Variants in HEXA observed in about 807,000 individuals in gnomAD.
HEXA encodes beta-hexosaminidase subunit alpha.
In HEXA, 54 loss-of-function variants were observed where a neutral mutation model predicts 73.3. The ratio of observed to expected loss-of-function variants is 0.74; its 90% CI spans 0.59 to 0.92. The LOEUF (loss-of-function observed/expected upper bound fraction) is 0.92. Among genes scored for constraint, HEXA ranks in the 40% least tolerant of loss-of-function variants. The probability of loss-of-function intolerance (pLI) is 0.00; values close to 1 mark genes in which losing one functional copy is unlikely to be tolerated. For synonymous variants in HEXA, 230 were observed against 246.9 expected (o/e 0.93, Z 0.64); for missense variants, 649 against 653.0 (o/e 0.99, Z 0.07).
chr15:72,366,351 C>T (rs973114563), intron 1 of HEXA, among the ~76,000 whole-genome samples: 1 of 151,766 alleles, frequency 6.6e-6, no homozygotes, highest in African/African-American at 2.4e-5. Flanking sequence ...CTCTGTTGCC[C>T]AGGCTGGGGT....
rs2088570165 is a variant in HEXA, at chr15:72,343,230, A to G, written c.*847T>C. 1 of 150,768 alleles carries G rather than the reference A, an allele frequency of 6.6e-6. No individual in the cohort carries two copies. Among genetic ancestry groups the G allele is most frequent in the Non-Finnish European group, 1.5e-5 (1 of 67,794 alleles). The allele number at this position is 150,768 out of a possible 1,614,324, so 9.3% of individuals were successfully genotyped here. On this transcript the variant is annotated 3_prime_UTR_variant, in exon 14 of 14. Coordinates refer to ENST00000268097, the MANE Select transcript of HEXA (RefSeq NM_000520.6). ...TGAGACTCCGTCTCAGAAAAAAAAAATATATATATATGAATTAGATGGACA... is the reference window on the plus strand; with the variant it reads ...TGAGACTCCGTCTCAGAAAAAAAAAGTATATATATATGAATTAGATGGACA...
At chr15:72,357,914 A>T (rs2088806643) in intron 1 of HEXA, 1 of 152,172 alleles carries the variant, frequency 6.6e-6, no homozygotes, top group Non-Finnish European at 1.5e-5. Context: ...CCCCACACCA[A>T]TACCTGCCTA....
At chr15:72,347,992 G>A in intron 9 of HEXA, 56 bp downstream of exon 9, 1 of 1,242,242 alleles carries the variant, frequency 8.0e-7, no homozygotes, top group Non-Finnish European at 1.2e-6. Flanking sequence ...TATGGAAAGG[G>A]AGGACCCCAC....
chr15:72,373,140 A>AAAAC (rs1008194242), intron 1 of HEXA, among the ~76,000 whole-genome samples: 2 of 152,224 alleles, frequency 1.3e-5, no homozygotes, highest in East Asian at 1.9e-4. Flanking sequence ...CAAAAAAACA[A>AAAAC]AAACAAACAA....
Position 72,375,832 on chromosome 15 carries a change from CT to C in HEXA, c.140del (p.Gln47ArgfsTer53), listed in dbSNP as rs773982691. On this transcript the variant is annotated frameshift_variant, in exon 1 of 14. Coordinates refer to ENST00000268097, the MANE Select transcript of HEXA (RefSeq NM_000520.6). LOFTEE classifies it high-confidence loss of function. Reference sequence around the variant, plus strand: ...GCTGCGCGGCCGAGCTGACATCGTACTGGAATTGAAAGTTGTTCGGGTAAAG... The same window carrying C: ...GCTGCGCGGCCGAGCTGACATCGTACGGAATTGAAAGTTGTTCGGGTAAAG... ...YVLYPNNFQF[Q>X]YDVSSAAQPG... The C allele has an allele frequency of 1.2e-6, 2 of 1,614,134 alleles. No individual in the cohort carries two copies. The highest frequency in any genetic ancestry group is 2.7e-5 in the African/African-American group (2 of 74,952).
At chr15:72,371,353 T>C (rs1435601410) in intron 1 of HEXA, among the ~76,000 whole-genome samples, 1 of 152,096 alleles carries the variant, frequency 6.6e-6, no homozygotes, top group Non-Finnish European at 1.5e-5. Flanking sequence ...AGACCTGTAA[T>C]CCCAACACTT....
intron 7 of HEXA, 124 bp downstream of exon 7, chr15:72,350,394 A>G (rs1279984852): frequency 3.9e-6 from 4 of 1,014,642 alleles, no homozygotes; most frequent in African/African-American, 1.6e-5. Flanking sequence ...AGGTGGAAGA[A>G]GTCGATGGAA....
chr15:72,364,624 G>A (rs971442718), intron 1 of HEXA, among the ~76,000 whole-genome samples: 1 of 151,902 alleles, frequency 6.6e-6, no homozygotes, highest in Non-Finnish European at 1.5e-5. Context: ...GAAAAGTTTT[G>A]GTTTTGATAC....
Position 72,375,920 on chromosome 15 carries a change from C to A in HEXA, c.53G>T (p.Gly18Val). 6.2e-7 allele frequency: 1 copy of A among 1,614,164 alleles called. No individual in the cohort carries two copies. The highest frequency in any genetic ancestry group is 8.5e-7 in the Non-Finnish European group (1 of 1,180,044). Residue 18 changes from glycine to valine, a missense_variant, in exon 1 of 14, where the codon GGA (glycine) becomes GTA (valine). By Grantham distance (109) the Gly-to-Val change is moderately radical (BLOSUM62 -3). Transcript: ENST00000268097. Reference sequence around the variant, plus strand: ...CCAGGGCCAGAGGGCCGTCGCCCGTCCTGCGAACGCTGCCGCCAGCAGCAG... The same window carrying A: ...CCAGGGCCAGAGGGCCGTCGCCCGTACTGCGAACGCTGCCGCCAGCAGCAG... The part of the protein sequence containing the change: ...FSLLLAAAFA[G>V]RATALWPWPQ...
At chr15:72,365,152 C>T (rs985805893) in intron 1 of HEXA, among the ~76,000 whole-genome samples, 5 of 152,216 alleles carry the variant, frequency 3.3e-5, no homozygotes, top group South Asian at 2.1e-4. Flanking sequence ...TGCAATGGCG[C>T]GATCTCGGCT....
intron 10 of HEXA, among the ~76,000 whole-genome samples, chr15:72,347,433 A>G (rs2088631403): frequency 1.3e-5 from 2 of 151,586 alleles, no homozygotes; most frequent in South Asian, 4.2e-4. Flanking sequence ...GGGTTTTGCT[A>G]TGTTGGCCAG....
intron 1 of HEXA, among the ~76,000 whole-genome samples, chr15:72,369,560 C>T (rs1325161848): frequency 1.3e-5 from 2 of 152,022 alleles, no homozygotes; most frequent in Non-Finnish European, 1.5e-5. Flanking sequence ...TTGTTTGAGA[C>T]AAGGTCTGGC....
chr15:72,369,479 G>A (rs1039605464), intron 1 of HEXA, among the ~76,000 whole-genome samples: 2 of 152,158 alleles, frequency 1.3e-5, no homozygotes, highest in African/African-American at 4.8e-5. Flanking sequence ...AAGAAATTTA[G>A]GAAACTGCAG....
At chr15:72,369,272 C>G (rs2088956753) in intron 1 of HEXA, among the ~76,000 whole-genome samples, 1 of 152,204 alleles carries the variant, frequency 6.6e-6, no homozygotes. Context: ...TTCTGTATTA[C>G]AATGGACTGT....
chr15:72,365,292 T>C (rs965779306), intron 1 of HEXA, among the ~76,000 whole-genome samples: 6 of 152,104 alleles, frequency 3.9e-5, no homozygotes, highest in African/African-American at 1.2e-4. Flanking sequence ...GTAGAGACGA[T>C]GTTTCACCAT....
intron 13 of HEXA, among the ~76,000 whole-genome samples, chr15:72,344,418 T>C (rs567369148): frequency 6.6e-6 from 1 of 152,266 alleles, no homozygotes; most frequent in East Asian, 1.9e-4. Flanking sequence ...ATCCTGCCCA[T>C]CTCTGTACCC....
chr15:72,348,018 G>A (rs2088641043), intron 9 of HEXA, 30 bp downstream of exon 9: 4 of 1,514,150 alleles, frequency 2.6e-6, no homozygotes, highest in Non-Finnish European at 2.8e-6. Flanking sequence ...GACCCCCAAG[G>A]GACCCCACCC....
chr15:72,371,087 G>C (rs2088985675), intron 1 of HEXA, among the ~76,000 whole-genome samples: 1 of 152,190 alleles, frequency 6.6e-6, no homozygotes, highest in South Asian at 2.1e-4. Flanking sequence ...AATTAAAGTG[G>C]AGAGAACTAA....
chr15:72,341,379 A>C lies in HEXA; in HGVS notation c.*2698T>G, dbSNP rs2088553201. ...AGCTTTATTAGATTCCTCGAAGGGA[A>C]GGTACCTGGCATGCAGCCTCAGCTC... On this transcript the variant is annotated 3_prime_UTR_variant, in exon 14 of 14. Transcript: ENST00000268097. 6.6e-6 allele frequency: 1 copy of C among 152,198 alleles called. No homozygotes were observed. The highest frequency in any genetic ancestry group is 1.5e-5 in the Non-Finnish European group (1 of 68,070). 9.4% of individuals were successfully genotyped at this position (152,198 alleles called of 1,614,324 possible).
Sources: allele counts gnomAD v4.1 joint callset (sites outside exome capture counted in the v4.1 genomes callset), GRCh38; gene constraint gnomAD v4.1.1; transcripts MANE v1.5; gene names NCBI Gene and HGNC (gene_info 2026-07-23, HGNC 2026-07-21).